The following RALGAPA1 variants were observed in gnomAD, a reference collection of about 807,000 sequenced individuals.
RALGAPA1 encodes the protein ral GTPase-activating protein subunit alpha-1.
A neutral mutation model predicts 269.6 loss-of-function variants in RALGAPA1; 52 were observed. The observed-to-expected ratio is 0.19, with a 90% CI of 0.15 to 0.24. The LOEUF is 0.24. Ranked by LOEUF, RALGAPA1 falls within the 10% of genes least tolerant of loss-of-function variation. RALGAPA1 has a pLI of 1.00. For synonymous variants in RALGAPA1, 817 were observed against 1,008.3 expected (o/e 0.81, Z 3.60); for missense variants, 1,917 against 3,013.9 (o/e 0.64, Z 8.52).
chr14:35,669,384 AGC>A (rs2064215902), intron 26 of RALGAPA1, among the ~76,000 whole-genome samples: 1 of 152,184 alleles, frequency 6.6e-6, no homozygotes, highest in African/African-American at 2.4e-5. Context: ...CCTCCCCAGT[AGC>A]TGGGATTACA....
intron 39 of RALGAPA1, among the ~76,000 whole-genome samples, chr14:35,550,359 A>C (rs2054877265): frequency 6.6e-6 from 1 of 152,170 alleles, no homozygotes; most frequent in Non-Finnish European, 1.5e-5. Context: ...AAGGATAATA[A>C]AAATTTGTCT....
chr14:35,560,822 T>C (rs1449215921), intron 39 of RALGAPA1, among the ~76,000 whole-genome samples: 2 of 152,174 alleles, frequency 1.3e-5, no homozygotes, highest in East Asian at 3.8e-4. Context: ...TAAACTTTCT[T>C]TACTATTATC....
At chr14:35,733,152 T>C (rs1018120984) in intron 12 of RALGAPA1, among the ~76,000 whole-genome samples, 16 of 152,150 alleles carry the variant, frequency 1.1e-4, no homozygotes, top group African/African-American at 3.4e-4. Flanking sequence ...TGAATGAGCA[T>C]TGAGTCAAAA....
At chr14:35,682,624 A>G (rs1281364693) in intron 21 of RALGAPA1, among the ~76,000 whole-genome samples, 2 of 152,072 alleles carry the variant, frequency 1.3e-5, no homozygotes, top group East Asian at 1.9e-4. Flanking sequence ...TTTTAACTTG[A>G]ACAATTTCAG....
intron 16 of RALGAPA1, among the ~76,000 whole-genome samples, chr14:35,710,514 T>C (rs1198370508): frequency 6.6e-6 from 1 of 152,178 alleles, no homozygotes; most frequent in East Asian, 1.9e-4. Context: ...CTCCTTGGCC[T>C]CCCAAAGTAC....
intron 22 of RALGAPA1, among the ~76,000 whole-genome samples, chr14:35,675,153 G>A (rs763810011): frequency 6.6e-6 from 1 of 152,148 alleles, no homozygotes; most frequent in Admixed American, 6.6e-5. Flanking sequence ...TCCCAGACCA[G>A]CATTAAGAGT....
chr14:35,651,782 T>C (rs1366005476), intron 31 of RALGAPA1, 23 bp downstream of exon 31: 1 of 1,575,296 alleles, frequency 6.3e-7, no homozygotes, highest in East Asian at 2.3e-5. Context: ...CACATACTAA[T>C]CATCAAACAA....
intron 21 of RALGAPA1, among the ~76,000 whole-genome samples, chr14:35,682,373 TC>T (rs2065519937): frequency 1.3e-5 from 2 of 151,990 alleles, no homozygotes; most frequent in South Asian, 4.2e-4. Context: ...TGATCTTGGC[TC>T]ACTGCAAGCT....
intron 13 of RALGAPA1, among the ~76,000 whole-genome samples, chr14:35,727,026 A>G (rs2069994860): frequency 6.6e-6 from 1 of 152,148 alleles, no homozygotes; most frequent in Admixed American, 6.5e-5. Flanking sequence ...TGTGTTAATA[A>G]TAATAACTAC....
At chr14:35,756,724 A>G (rs1008836826) in intron 7 of RALGAPA1, 69 bp downstream of exon 7, 1 of 1,097,850 alleles carries the variant, frequency 9.1e-7, no homozygotes, top group African/African-American at 1.6e-5. Context: ...GAATAATGGT[A>G]AGAGACAGAA....
chr14:35,563,433 C>T (rs569115366), intron 39 of RALGAPA1, among the ~76,000 whole-genome samples: 58 of 151,890 alleles, frequency 3.8e-4, no homozygotes, highest in Middle Eastern at 6.8e-3. Context: ...GTGCCCTGGG[C>T]GTCAGTGTGG....
At chr14:35,679,947 T>A (rs2065270480) in intron 21 of RALGAPA1, among the ~76,000 whole-genome samples, 1 of 152,132 alleles carries the variant, frequency 6.6e-6, no homozygotes, top group African/African-American at 2.4e-5. Context: ...TTATTTGAGA[T>A]TTGGAGTAAA....
chr14:35,622,694 CTG>C (rs1320885602), intron 35 of RALGAPA1, among the ~76,000 whole-genome samples: 1 of 152,186 alleles, frequency 6.6e-6, no homozygotes, highest in African/African-American at 2.4e-5. Flanking sequence ...TTAAAATAGA[CTG>C]TTTTTCAACA....
chr14:35,671,338 T>C, intron 26 of RALGAPA1, 51 bp downstream of exon 26: 1 of 1,462,502 alleles, frequency 6.8e-7, no homozygotes, highest in Non-Finnish European at 9.1e-7. Context: ...ACTTTGTTAG[T>C]TGAATCCTGG....
intron 36 of RALGAPA1, among the ~76,000 whole-genome samples, chr14:35,600,228 TTTTC>T (rs1237062434): frequency 3.6e-4 from 39 of 108,420 alleles, no homozygotes; most frequent in South Asian, 2.3e-3. Flanking sequence ...CTTTTTCTTT[TTTTC>T]TTTTTTTTTT....
intron 1 of RALGAPA1, among the ~76,000 whole-genome samples, chr14:35,782,277 CT>C (rs1223625157): frequency 6.6e-6 from 1 of 152,086 alleles, no homozygotes; most frequent in East Asian, 1.9e-4. Context: ...AAGTACAAGA[CT>C]TGTACACTGG....
chr14:35,725,653 A>G (rs2069827931), intron 13 of RALGAPA1, among the ~76,000 whole-genome samples: 1 of 152,062 alleles, frequency 6.6e-6, no homozygotes, highest in African/African-American at 2.4e-5. Context: ...TGACATCTTA[A>G]TTAATAGATC....
intron 11 of RALGAPA1, 91 bp downstream of exon 11, chr14:35,742,277 T>C: frequency 2.1e-6 from 2 of 939,322 alleles, no homozygotes; most frequent in Middle Eastern, 2.3e-4. Context: ...TCCCATTTAA[T>C]AAGTATATTT....
chr14:35,802,000 A>G (rs2077010920), intron 1 of RALGAPA1, among the ~76,000 whole-genome samples: 1 of 152,202 alleles, frequency 6.6e-6, no homozygotes, highest in Admixed American at 6.5e-5. Flanking sequence ...AAAATATCCA[A>G]AAGAATCTAC....
Sources: gnomAD v4.1 joint callset for allele counts (sites outside exome capture counted in the v4.1 genomes callset) on GRCh38, gnomAD v4.1.1 for gene constraint, MANE v1.5 for transcripts, NCBI Gene and HGNC (gene_info 2026-07-23, HGNC 2026-07-21) for gene names.